Variants in CNTLN observed in about 807,000 individuals in gnomAD.
CNTLN encodes centlein.
Under a neutral mutation model 180.0 loss-of-function variants are expected in CNTLN, and 212 were observed. That is an observed-to-expected ratio of 1.18 (90% CI 1.05 to 1.32). The LOEUF (loss-of-function observed/expected upper bound fraction) is 1.32. Ranked by LOEUF, CNTLN falls within the 40% of genes most tolerant of loss-of-function variation. The pLI is 0.00. For missense variants in CNTLN, 2,095 were observed against 1,610.9 expected, an observed-to-expected ratio of 1.30 and a Z score of -5.14; for synonymous variants, 722 against 563.1, an observed-to-expected ratio of 1.28 and a Z score of -3.99.
intron 18 of CNTLN, among the ~76,000 whole-genome samples, chr9:17,439,292 C>G (rs1462149750): frequency 6.6e-6 from 1 of 152,030 alleles, no homozygotes; most frequent in African/African-American, 2.4e-5. Context: ...AAGTATTTAT[C>G]AAAAATGTTC....
At chr9:17,146,536 G>T (rs1012447032) in intron 2 of CNTLN, among the ~76,000 whole-genome samples, 2 of 152,122 alleles carry the variant, frequency 1.3e-5, no homozygotes, top group South Asian at 4.1e-4. Context: ...TTATAAAGGG[G>T]TTTAAGGAGC....
chr9:17,182,337 A>G (rs1286981014), intron 2 of CNTLN, among the ~76,000 whole-genome samples: 1 of 151,996 alleles, frequency 6.6e-6, no homozygotes, highest in South Asian at 2.1e-4. Flanking sequence ...TTTCTGTTCC[A>G]TATCTGCTGT....
At chr9:17,205,679 A>C (rs376676955) in intron 2 of CNTLN, among the ~76,000 whole-genome samples, 13 of 152,212 alleles carry the variant, frequency 8.5e-5, no homozygotes, top group African/African-American at 2.7e-4. Flanking sequence ...GTCAGTAGCA[A>C]ATGGCCTTAC....
At chr9:17,342,953 C>A (rs1245504766) in intron 12 of CNTLN, among the ~76,000 whole-genome samples, 2 of 152,126 alleles carry the variant, frequency 1.3e-5, no homozygotes, top group African/African-American at 4.8e-5. Context: ...AGCAGAACTG[C>A]CTGTTAAGGG....
intron 23 of CNTLN, among the ~76,000 whole-genome samples, chr9:17,483,200 ATATAAT>A (rs943809069): frequency 1.1e-4 from 16 of 152,158 alleles, no homozygotes; most frequent in African/African-American, 3.6e-4. Context: ...GACAAAGAAA[ATATAAT>A]TATTTCTTAA....
intron 25 of CNTLN, 90 bp from the exon 26 acceptor site, chr9:17,502,461 C>A (rs1274404535): frequency 3.2e-6 from 2 of 618,390 alleles, no homozygotes; most frequent in Non-Finnish European, 5.4e-6. Flanking sequence ...TTGCAGACAT[C>A]TAACTTCTAA....
chr9:17,370,880 A>T (rs1824262941), intron 13 of CNTLN, among the ~76,000 whole-genome samples: 1 of 152,186 alleles, frequency 6.6e-6, no homozygotes, highest in Non-Finnish European at 1.5e-5. Context: ...ATAATGGGTT[A>T]TAAGATAGTT....
chr9:17,425,426 T>C (rs571555201), intron 18 of CNTLN, among the ~76,000 whole-genome samples: 167 of 152,298 alleles, frequency 1.1e-3, no homozygotes, highest in African/African-American at 3.9e-3. Flanking sequence ...AGAAGCTGAC[T>C]GTGCTGACAC....
At chr9:17,205,283 G>A (rs937301101) in intron 2 of CNTLN, among the ~76,000 whole-genome samples, 7 of 152,108 alleles carry the variant, frequency 4.6e-5, no homozygotes, top group South Asian at 4.1e-4. Flanking sequence ...CATGTAAATG[G>A]CAATGCAGAT....
chr9:17,143,680 C>T (rs1458571177), intron 2 of CNTLN, among the ~76,000 whole-genome samples: 3 of 152,150 alleles, frequency 2.0e-5, no homozygotes, highest in Admixed American at 1.3e-4. Context: ...TAAAAGTTGG[C>T]GAAGTCCCTG....
intron 18 of CNTLN, among the ~76,000 whole-genome samples, chr9:17,439,951 T>C (rs763927989): frequency 1.2e-4 from 18 of 152,200 alleles, no homozygotes; most frequent in Non-Finnish European, 2.4e-4. Flanking sequence ...ATTTAAGCCA[T>C]GCAGTCTATG....
chr9:17,401,043 T>G (rs1031274139), intron 15 of CNTLN, among the ~76,000 whole-genome samples: 1 of 152,340 alleles, frequency 6.6e-6, no homozygotes, highest in South Asian at 2.1e-4. Flanking sequence ...GTCCTGATTC[T>G]TCTGTGTTCT....
At chr9:17,249,383 C>G (rs759975383) in intron 5 of CNTLN, among the ~76,000 whole-genome samples, 107 of 144,166 alleles carry the variant, frequency 7.4e-4, no homozygotes, top group Non-Finnish European at 8.2e-4. Context: ...GAGTCTCGCT[C>G]TATCACCCAG....
chr9:17,527,236 A>G, the CNTLN span, among the ~76,000 whole-genome samples: 11 of 152,072 alleles, frequency 7.2e-5, no homozygotes, highest in African/African-American at 2.7e-4. Context: ...CATTACTGTG[A>G]CACTCCAAAT....
intron 13 of CNTLN, 89 bp from the exon 14 acceptor site, chr9:17,388,073 A>G (rs1032990818): frequency 2.6e-6 from 2 of 770,250 alleles, no homozygotes; most frequent in Middle Eastern, 3.0e-4. Context: ...TTCACAGTTG[A>G]AAAACCATAG....
intron 15 of CNTLN, among the ~76,000 whole-genome samples, chr9:17,401,983 G>T (rs1475982507): frequency 6.6e-6 from 1 of 151,772 alleles, no homozygotes; most frequent in Admixed American, 6.6e-5. Flanking sequence ...AATAGAAAAT[G>T]GGCAGTGCTA....
At chr9:17,423,208 G>A (rs746303815) in intron 18 of CNTLN, among the ~76,000 whole-genome samples, 2 of 152,176 alleles carry the variant, frequency 1.3e-5, no homozygotes, top group Non-Finnish European at 2.9e-5. Context: ...AAGGCCTTTG[G>A]CAACTAGTGC....
chr9:17,385,653 C>A (rs1021300946), intron 13 of CNTLN, among the ~76,000 whole-genome samples: 1 of 151,818 alleles, frequency 6.6e-6, no homozygotes, highest in Non-Finnish European at 1.5e-5. Context: ...AACTGCAGAT[C>A]AAAAATATTT....
At chr9:17,463,104 A>C in intron 20 of CNTLN, 91 bp downstream of exon 20, 1 of 694,242 alleles carries the variant, frequency 1.4e-6, no homozygotes, top group South Asian at 2.0e-5. Flanking sequence ...GCTAATGTTT[A>C]CGTTTTCCTT....
Sources: gnomAD v4.1 joint callset for allele counts (sites outside exome capture counted in the v4.1 genomes callset) on GRCh38, gnomAD v4.1.1 for gene constraint, MANE v1.5 for transcripts, NCBI Gene and HGNC (gene_info 2026-07-23, HGNC 2026-07-21) for gene names.